Variants in GPHN observed in about 807,000 individuals in gnomAD.
GPHN encodes gephyrin.
GPHN carries 17 observed loss-of-function variants against 95.5 expected under a neutral mutation model. The ratio of observed to expected loss-of-function variants is 0.18; its 90% CI spans 0.12 to 0.27. The LOEUF is 0.27. Ranked by LOEUF, GPHN falls within the 10% of genes least tolerant of loss-of-function variation. The probability of loss-of-function intolerance (pLI) is 1.00; values close to 1 mark genes in which losing one functional copy is unlikely to be tolerated. For synonymous variants in GPHN, 320 were observed against 322.5 expected (o/e 0.99, Z 0.08); for missense variants, 660 against 978.1 (o/e 0.67, Z 4.34).
the GPHN span, among the ~76,000 whole-genome samples, chr14:67,698,431 C>T: frequency 1.3e-5 from 2 of 152,148 alleles, no homozygotes; most frequent in East Asian, 1.9e-4. Context: ...TGCCACTGCA[C>T]TCCACCCTGG....
At chr14:67,383,556 C>CTAAG in the GPHN span, 1 of 1,426,574 alleles carries the variant, frequency 7.0e-7, no homozygotes, top group Non-Finnish European at 9.6e-7. Flanking sequence ...TTTTTTATTT[C>CTAAG]TAAGTATTTA....
the GPHN span, among the ~76,000 whole-genome samples, chr14:67,670,326 G>A: frequency 6.6e-6 from 1 of 152,022 alleles, no homozygotes; most frequent in South Asian, 2.1e-4. Flanking sequence ...TGTTTCACCT[G>A]CCCCTCTACT....
chr14:67,646,445 T>C, the GPHN span: 2 of 561,734 alleles, frequency 3.6e-6, no homozygotes, highest in Non-Finnish European at 6.3e-6. Flanking sequence ...AAAGCAATAC[T>C]GTGTTCCTCA....
At chr14:66,597,638 C>T (rs2062039141) in intron 1 of GPHN, among the ~76,000 whole-genome samples, 1 of 152,182 alleles carries the variant, frequency 6.6e-6, no homozygotes, top group South Asian at 2.1e-4. Flanking sequence ...GGGTCTGCAG[C>T]TGTGGCTGGG....
the GPHN span, among the ~76,000 whole-genome samples, chr14:67,528,710 A>G: frequency 1.3e-5 from 2 of 152,166 alleles, no homozygotes; most frequent in Non-Finnish European, 2.9e-5. Flanking sequence ...TCTTGCCCGT[A>G]TAACCCGCAG....
chr14:67,371,791 A>C, the GPHN span, among the ~76,000 whole-genome samples: 1 of 152,270 alleles, frequency 6.6e-6, no homozygotes, highest in Non-Finnish European at 1.5e-5. Context: ...TGAGGCCATC[A>C]TAACCCTGAT....
At chr14:66,566,562 G>GT (rs1405842729) in intron 1 of GPHN, among the ~76,000 whole-genome samples, 1 of 152,102 alleles carries the variant, frequency 6.6e-6, no homozygotes, top group Non-Finnish European at 1.5e-5. Context: ...TTGACTTACT[G>GT]TAAGTGTTTT....
chr14:66,910,348 T>G (rs1325013163), intron 5 of GPHN, among the ~76,000 whole-genome samples: 1 of 151,978 alleles, frequency 6.6e-6, no homozygotes, highest in East Asian at 1.9e-4. Flanking sequence ...TTTATTGTAG[T>G]TGCTTTATAT....
intron 13 of GPHN, among the ~76,000 whole-genome samples, chr14:67,103,854 C>T (rs1219654162): frequency 1.3e-5 from 2 of 151,916 alleles, no homozygotes; most frequent in Non-Finnish European, 1.5e-5. Flanking sequence ...CTTTGGATAC[C>T]CTTTATTTCT....
chr14:67,734,023 C>A, the GPHN span: 3 of 568,662 alleles, frequency 5.3e-6, no homozygotes, highest in Admixed American at 2.3e-5. Flanking sequence ...TCTTGTGAGA[C>A]TGGCTTATGG....
chr14:67,217,442 G>A, the GPHN span, among the ~76,000 whole-genome samples: 2 of 152,136 alleles, frequency 1.3e-5, no homozygotes, highest in Non-Finnish European at 2.9e-5. Context: ...ACTTACTCAT[G>A]TCATTTTGTT....
At chr14:67,249,873 G>A in the GPHN span, among the ~76,000 whole-genome samples, 1 of 152,158 alleles carries the variant, frequency 6.6e-6, no homozygotes, top group Non-Finnish European at 1.5e-5. Context: ...TTCGTTTAAC[G>A]TGATTGCTTC....
intron 1 of GPHN, among the ~76,000 whole-genome samples, chr14:66,579,148 G>T (rs970683724): frequency 6.6e-6 from 1 of 151,720 alleles, no homozygotes; most frequent in African/African-American, 2.4e-5. Flanking sequence ...TGTTACAACC[G>T]TAATATGTTT....
intron 15 of GPHN, 59 bp from the exon 16 acceptor site, chr14:67,112,959 T>A: frequency 6.5e-7 from 1 of 1,529,482 alleles, no homozygotes; most frequent in Non-Finnish European, 9.1e-7. Flanking sequence ...AGTTTCCCTC[T>A]GAGTTGAGAA....
the GPHN span, among the ~76,000 whole-genome samples, chr14:67,539,304 G>A: frequency 1.3e-5 from 2 of 152,286 alleles, no homozygotes; most frequent in Admixed American, 6.5e-5. Flanking sequence ...CTTCCTGCCC[G>A]TTCCAGTTGG....
the GPHN span, among the ~76,000 whole-genome samples, chr14:67,561,444 G>A: frequency 3.9e-5 from 6 of 151,968 alleles, no homozygotes; most frequent in Non-Finnish European, 7.4e-5. Context: ...CCAGCTACTC[G>A]GGAGGCTGAG....
At chr14:67,282,575 TACTC>T in the GPHN span, among the ~76,000 whole-genome samples, 13 of 152,260 alleles carry the variant, frequency 8.5e-5, no homozygotes, top group Non-Finnish European at 1.5e-4. Context: ...TGATAGAAAA[TACTC>T]AGAAAGGATG....
chr14:67,681,417 A>G, the GPHN span, among the ~76,000 whole-genome samples: 1 of 152,262 alleles, frequency 6.6e-6, no homozygotes, highest in Non-Finnish European at 1.5e-5. Flanking sequence ...TCTTTTCAAC[A>G]AATGGTGCTA....
At chr14:67,089,324 C>A (rs576847093) in intron 12 of GPHN, among the ~76,000 whole-genome samples, 2 of 151,198 alleles carry the variant, frequency 1.3e-5, no homozygotes, top group African/African-American at 4.9e-5. Flanking sequence ...TGAAAATTCT[C>A]GTTTTAAATT....
Sources: gnomAD v4.1 joint callset for allele counts (sites outside exome capture counted in the v4.1 genomes callset) on GRCh38, gnomAD v4.1.1 for gene constraint, MANE v1.5 for transcripts, NCBI Gene and HGNC (gene_info 2026-07-23, HGNC 2026-07-21) for gene names.